Variants in TLR10 observed in about 807,000 individuals in gnomAD.
The protein encoded by TLR10 is toll-like receptor 10.
For synonymous variants in TLR10, 288 were observed against 338.8 expected, an observed-to-expected ratio of 0.85 and a Z score of 1.65; for missense variants, 929 against 932.9, an observed-to-expected ratio of 1.00 and a Z score of 0.05.
In TLR10 at chr4:38,773,665, T is replaced by C. The variant is rs1724797983; in HGVS notation, c.1926A>G (p.Glu642=). ...VRFHAFISYS[E]HDSLWVKNEL... ...CATTCTTCACCCACAGAGAATCATG[T>C]TCACTGTATGAAATAAATGCGTGGA... Residue 642 remains glutamate, a synonymous_variant, in exon 4 of 4, where the codon GAA becomes GAG. Transcript: ENST00000308973. 1 of 1,611,280 alleles carries C rather than the reference T, an allele frequency of 6.2e-7. No individual in the cohort carries two copies. Among genetic ancestry groups the C allele is most frequent in the East Asian group, 2.2e-5 (1 of 44,892 alleles).
chr4:38,778,645 C>G (rs1374967546), intron 1 of TLR10, among the ~76,000 whole-genome samples: 1 of 152,082 alleles, frequency 6.6e-6, no homozygotes, highest in Non-Finnish European at 1.5e-5. Context: ...GTCCCCACAC[C>G]AGGCTCTCTG....
chr4:38,775,057 A>C lies in TLR10; in HGVS notation c.534T>G (p.Pro178=). The change falls in exon 4 of 4, where the codon CCT becomes CCG. Residue 178 remains proline (P), a synonymous_variant. Transcript: ENST00000308973. Reference sequence around the variant, plus strand: ...TGGGCAGGCTACCTTCTTCATAATGAGGAAGAGTTCTGAATCCTAAGAAGA... The same window carrying C: ...TGGGCAGGCTACCTTCTTCATAATGCGGAAGAGTTCTGAATCCTAAGAAGA... ...NTVFLGFRTL[P]HYEEGSLPIL... 6.2e-7 allele frequency: 1 copy of C among 1,612,480 alleles called. No individual in the cohort carries two copies. The highest frequency in any genetic ancestry group is 8.5e-7 in the Non-Finnish European group (1 of 1,179,752).
intron 1 of TLR10, among the ~76,000 whole-genome samples, chr4:38,781,319 T>C (rs1282848863): frequency 6.6e-6 from 1 of 151,660 alleles, no homozygotes; most frequent in Non-Finnish European, 1.5e-5. Context: ...TTAAAGCAAT[T>C]TTAAAAGTAG....
chr4:38,782,689 G>A (rs549973060), intron 1 of TLR10, among the ~76,000 whole-genome samples: 7 of 152,112 alleles, frequency 4.6e-5, no homozygotes, highest in Non-Finnish European at 5.9e-5. Flanking sequence ...GGTTTGATCC[G>A]CAATCAGTGA....
Position 38,774,689 on chromosome 4 carries a change from G to A in TLR10, c.902C>T (p.Thr301Ile), listed in dbSNP as rs770394059. 29 of 1,564,916 alleles carry A rather than the reference G, an allele frequency of 1.9e-5. No homozygotes were observed. Among genetic ancestry groups the A allele is most frequent in the Non-Finnish European group, 2.5e-5 (29 of 1,160,846 alleles). Reference protein sequence around the residue: ...SFDYSNTVMRTIKLEHVHFRV... With the variant: ...SFDYSNTVMRIIKLEHVHFRV... ...GAAATGTACATGCTCCAATTTTATAGTTCTCATTACAGTATTTGAGTAGTC... is the reference window on the plus strand; with the variant it reads ...GAAATGTACATGCTCCAATTTTATAATTCTCATTACAGTATTTGAGTAGTC... Residue 301 changes from threonine to isoleucine, a missense_variant, in exon 4 of 4, where the codon ACT becomes ATT. By Grantham distance (89) the Thr-to-Ile change is moderately conservative (BLOSUM62 -1). Coordinates refer to ENST00000308973, the MANE Select transcript of TLR10 (RefSeq NM_030956.4).
intron 1 of TLR10, among the ~76,000 whole-genome samples, chr4:38,779,491 T>C (rs1400670020): frequency 1.3e-5 from 2 of 152,194 alleles, no homozygotes; most frequent in Non-Finnish European, 2.9e-5. Flanking sequence ...ACAGGATAAT[T>C]ATCAGAAAAA....
rs762719039 is a variant in TLR10, at chr4:38,773,246, G to C, written c.2345C>G (p.Thr782Ser). ...RAAINVNVLA[T>S]REMYELQTFT... ...TGTCTGCAGTTCATACATTTCTCTG[G>C]TGGCTAATACATTAACATTAATAGC... Residue 782 changes from threonine to serine, a missense_variant, in exon 4 of 4, where the codon ACC (threonine) becomes AGC (serine). Thr to Ser is a moderately conservative substitution (Grantham distance 58, BLOSUM62 1). Coordinates refer to ENST00000308973, the MANE Select transcript of TLR10 (RefSeq NM_030956.4). 34 of 1,606,648 alleles carry C rather than the reference G, an allele frequency of 2.1e-5. No homozygotes were observed. The highest frequency in any genetic ancestry group is 2.8e-5 in the Non-Finnish European group (33 of 1,177,572).
chr4:38,774,207 T>C lies in TLR10; in HGVS notation c.1384A>G (p.Thr462Ala), dbSNP rs539601736. ...NNQIQTVPKE[T>A]IHLMALRELN... ...TCTCGTAAGGCCATCAGATGAATAG[T>C]CTCTTTAGGTACAGTTTGGATTTGG... The change falls in exon 4 of 4, where the codon ACT becomes GCT. Residue 462 changes from threonine (T) to alanine (A), a missense_variant. Thr to Ala is a moderately conservative substitution (Grantham distance 58). Transcript: ENST00000308973. The C allele has an allele frequency of 9.3e-6, 15 of 1,613,638 alleles. No individual in the cohort carries two copies. The highest frequency in any genetic ancestry group is 3.3e-5 in the Admixed American group (2 of 59,922).
intron 1 of TLR10, among the ~76,000 whole-genome samples, chr4:38,778,059 T>C (rs1725166476): frequency 6.6e-6 from 1 of 152,112 alleles, no homozygotes; most frequent in Admixed American, 6.6e-5. Context: ...CAAATGCCCA[T>C]CAATGATAGA....
intron 1 of TLR10, among the ~76,000 whole-genome samples, chr4:38,780,699 A>T (rs1447614612): frequency 6.6e-6 from 1 of 152,246 alleles, no homozygotes. Context: ...CTCAGTAATC[A>T]AGATAATGTT....
intron 1 of TLR10, among the ~76,000 whole-genome samples, chr4:38,780,660 G>T: frequency 6.6e-6 from 1 of 152,110 alleles, no homozygotes; most frequent in Middle Eastern, 3.2e-3. Flanking sequence ...AAGCAAGGAA[G>T]GCATAAATGT....
At chr4:38,780,535 T>C (rs1725341233) in intron 1 of TLR10, among the ~76,000 whole-genome samples, 1 of 152,194 alleles carries the variant, frequency 6.6e-6, no homozygotes, top group South Asian at 2.1e-4. Context: ...GGTTTTGTCA[T>C]CTGTAAAATG....
Position 38,775,276 on chromosome 4 carries a change from A to G in TLR10, c.315T>C (p.Asn105=), listed in dbSNP as rs764856781. 6.2e-7 allele frequency: 1 copy of G among 1,614,064 alleles called. No homozygotes were observed. The highest frequency in any genetic ancestry group is 2.2e-5 in the East Asian group (1 of 44,882). ...ACCAAGTTACACTCTTCAGTCTGTT[A>G]TTAGACAAATCTAAATATCTTAACT... ...NKELRYLDLS[N]NRLKSVTWYL... Residue 105 remains asparagine, a synonymous_variant, in exon 4 of 4, where the codon AAT becomes AAC. Coordinates refer to ENST00000308973, the MANE Select transcript of TLR10 (RefSeq NM_030956.4).
rs764693034 is a variant in TLR10 at position 38,774,780 on chromosome 4, C to T, written c.811G>A (p.Val271Met). 3 of 1,601,962 alleles carry T rather than the reference C, an allele frequency of 1.9e-6. No homozygotes were observed. The highest frequency in any genetic ancestry group is 2.2e-5 in the East Asian group (1 of 44,800). Reference sequence around the variant, plus strand: ...ACATTTCGGATCTGAAAGTGTTCCACTGATGTATGCCAAACAAATTGTAAG... The same window carrying T: ...ACATTTCGGATCTGAAAGTGTTCCATTGATGTATGCCAAACAAATTGTAAG... ...LILQFVWHTS[V>M]EHFQIRNVTF... Residue 271 changes from valine to methionine, a missense_variant, in exon 4 of 4, where the codon GTG becomes ATG. Val to Met is a conservative substitution (Grantham distance 21). Coordinates refer to ENST00000308973, the MANE Select transcript of TLR10 (RefSeq NM_030956.4).
intron 1 of TLR10, among the ~76,000 whole-genome samples, chr4:38,781,843 C>G (rs771618115): frequency 6.6e-6 from 1 of 152,168 alleles, no homozygotes; most frequent in African/African-American, 2.4e-5. Flanking sequence ...TCCTACGTGT[C>G]TGACATGGAG....
Position 38,774,934 on chromosome 4 carries a change from C to A in TLR10, c.657G>T (p.Met219Ile). The A allele has an allele frequency of 6.2e-7, 1 of 1,612,410 alleles. No homozygotes were observed. The highest frequency in any genetic ancestry group is 2.2e-5 in the East Asian group (1 of 44,856). ...DGIKTSKILE[M>I]TNIDGKSQFV... ...ATTGGCTTTTGCCATCTATATTTGT[C>A]ATTTCTAATATTTTTGAAGTCTTGA... Residue 219 changes from methionine (M) to isoleucine (I), a missense_variant, in exon 4 of 4, where the codon ATG becomes ATT. Coordinates refer to ENST00000308973, the MANE Select transcript of TLR10 (RefSeq NM_030956.4).
Position 38,773,143 on chromosome 4 carries a change from G to T in TLR10, c.*12C>A. 6.6e-7 allele frequency: 1 copy of T among 1,509,724 alleles called. No homozygotes were observed. The highest frequency in any genetic ancestry group is 1.4e-5 in the South Asian group (1 of 71,904). 93.5% of individuals were successfully genotyped at this position (1,509,724 alleles called of 1,614,324 possible). The stretch of plus-strand genomic sequence containing the variant: ...TGTATGTGGTCCCCAACTTCCCAAG[G>T]ACTGTGGGATTTTATAGACAATCTG... On this transcript the variant is annotated 3_prime_UTR_variant, in exon 4 of 4. Coordinates refer to ENST00000308973, the MANE Select transcript of TLR10 (RefSeq NM_030956.4).
Position 38,774,418 on chromosome 4 carries a change from A to C in TLR10, c.1173T>G (p.Ser391Arg). 6.2e-7 allele frequency: 1 copy of C among 1,613,362 alleles called. No individual in the cohort carries two copies. The highest frequency in any genetic ancestry group is 8.5e-7 in the Non-Finnish European group (1 of 1,179,818). ...GNKLETLSLV[S>R]CFANNTPLEH... ...CCAAGGGTGTGTTGTTAGCAAAGCA[A>C]CTTACTAAAGAAAGTGTCTCCAGTT... Residue 391 changes from serine (S) to arginine (R), a missense_variant, in exon 4 of 4, where the codon AGT becomes AGG. Coordinates refer to ENST00000308973, the MANE Select transcript of TLR10 (RefSeq NM_030956.4).
rs11466647 is a variant in TLR10, at chr4:38,775,663, G to A, written c.-62-11C>T. The A allele has an allele frequency of 1.2e-5, 16 of 1,352,258 alleles. No homozygotes were observed. In the East Asian group the frequency reaches 3.7e-4, roughly 31 times the overall value. 83.8% of individuals were successfully genotyped at this position (1,352,258 alleles called of 1,614,324 possible). On this transcript the variant is annotated splice_polypyrimidine_tract_variant and intron_variant, in intron 3 of 3. Transcript: ENST00000308973. ...GATGAGCTCAAAACCCTAAAAAAAA[G>A]TATATAATATTAGATTTTTATTTGG... is the stretch of plus-strand genomic sequence containing the variant.
Sources: allele counts gnomAD v4.1 joint callset (sites outside exome capture counted in the v4.1 genomes callset), GRCh38; gene constraint gnomAD v4.1.1; transcripts MANE v1.5; gene names NCBI Gene and HGNC (gene_info 2026-07-23, HGNC 2026-07-21).